NBL1: variants seen among roughly 807,000 people sequenced by gnomAD.
The protein encoded by NBL1 is NBL1, DAN family BMP antagonist, also known as neuroblastoma suppressor of tumorigenicity 1.
In NBL1, 9 loss-of-function variants were observed where a neutral mutation model predicts 16.0. The ratio of observed to expected loss-of-function variants is 0.56; its 90% confidence interval spans 0.34 to 0.98. The LOEUF (loss-of-function observed/expected upper bound fraction) is 0.98, where lower values mean the gene tolerates loss of function less well. Among genes scored for constraint, NBL1 ranks in the 50% least tolerant of loss-of-function variants. NBL1 has a pLI of 0.02. For synonymous variants in NBL1, 86 were observed against 100.7 expected (o/e 0.85, Z 0.87); for missense variants, 196 against 243.1 (o/e 0.81, Z 1.29).
intron 1 of NBL1, among the ~76,000 whole-genome samples, chr1:19,650,438 G>T (rs920382478): frequency 6.6e-6 from 1 of 152,196 alleles, no homozygotes; most frequent in African/African-American, 2.4e-5. Context: ...CATAGGGTCT[G>T]TGCCCCCAGC....
At chr1:19,647,874 T>TGCGC (rs2094992353) in intron 1 of NBL1, among the ~76,000 whole-genome samples, 2 of 147,174 alleles carry the variant, frequency 1.4e-5, no homozygotes, top group South Asian at 2.1e-4. Context: ...TGCGTGTGTG[T>TGCGC]GTGTGTGTGC....
At chr1:19,654,936 G>T in intron 1 of NBL1, 76 bp from the exon 2 acceptor site, 1 of 1,461,196 alleles carries the variant, frequency 6.8e-7, no homozygotes. Context: ...TCGGATGCCA[G>T]AGTCCATGCT....
chr1:19,644,273 C>A, upstream of NBL1: 3 of 979,850 alleles, frequency 3.1e-6, no homozygotes, highest in Non-Finnish European at 2.4e-6. This position sits in a 1 kb window ranked among gnomAD's most constrained non-coding sequence, Gnocchi z 4.6. Flanking sequence ...ACCCTGACGT[C>A]GGAGCCGCTC....
At chr1:19,644,168 C>A (rs2094963116), upstream of NBL1, 10 of 979,996 alleles carry the variant, frequency 1.0e-5, no homozygotes, top group Non-Finnish European at 1.2e-5. This position sits in a 1 kb window ranked among gnomAD's most constrained non-coding sequence, Gnocchi z 4.6. Context: ...CCCCCTCCTG[C>A]GCACCCGGAG....
intron 1 of NBL1, chr1:19,647,610 CA>C: frequency 6.1e-6 from 6 of 985,482 alleles, no homozygotes; most frequent in Non-Finnish European, 6.0e-6. Context: ...CCACCAGCCA[CA>C]AACGCTGCGT....
Position 19,656,870 on chromosome 1 carries a change from C to T in NBL1, c.287C>T (p.Thr96Met), listed in dbSNP as rs551610627. ...CTTCTCTCTTGCCCTCTGCAGGTGA[C>T]GCTGGAGTGCCCGGGCCACGAGGAG... Reference protein sequence around the residue: ...MPAQSMWEIVTLECPGHEEVP... With the variant: ...MPAQSMWEIVMLECPGHEEVP... The change falls in exon 4 of 4, where the codon ACG (threonine) becomes ATG (methionine). Residue 96 changes from threonine to methionine, a missense_variant. Coordinates refer to ENST00000375136, the MANE Select transcript of NBL1 (RefSeq NM_005380.8). The T allele has an allele frequency of 3.0e-5, 49 of 1,609,614 alleles. No individual in the cohort carries two copies. The highest frequency in any genetic ancestry group is 1.6e-4 in the Middle Eastern group (1 of 6,070).
intron 1 of NBL1, among the ~76,000 whole-genome samples, chr1:19,653,740 A>G (rs1294396901): frequency 1.3e-5 from 2 of 152,218 alleles, no homozygotes; most frequent in African/African-American, 4.8e-5. Flanking sequence ...GCCTCCTTGA[A>G]GAAGGCACTG....
At position 19,644,823 on chromosome 1, in the gene NBL1, C is replaced by A. The variant is rs919371332; in HGVS notation, c.-20+377C>A. ...TCCCCCGGCCGTGCCCGGGCCTCGC[C>A]GCGCCGCGCCTCTCGGCTCTGGACG... is the stretch of plus-strand genomic sequence containing the variant. On this transcript the variant is annotated intron_variant, in intron 1 of 3. Coordinates refer to ENST00000375136, the MANE Select transcript of NBL1 (RefSeq NM_005380.8). This position sits in a 1 kb window ranked among gnomAD's most constrained non-coding sequence, Gnocchi z 4.6. Among the ~76,000 whole-genome samples, 1 of 152,060 alleles carries A rather than the reference C, an allele frequency of 6.6e-6. No individual in the cohort carries two copies.
rs1024011737 is a variant in NBL1 at position 19,644,932 on chromosome 1, T to C, written c.-20+486T>C. Among the ~76,000 whole-genome samples the C allele has an allele frequency of 2.6e-5, 4 of 152,062 alleles. No homozygotes were observed. Among genetic ancestry groups the C allele is most frequent in the Non-Finnish European group, 4.4e-5 (3 of 67,990 alleles). Reference sequence around the variant, plus strand: ...GTCGCTCCGTTTCCGCCGCTCACTTTCCCCTGGTCTGCCCGTCTCTTTCCG... The same window carrying C: ...GTCGCTCCGTTTCCGCCGCTCACTTCCCCCTGGTCTGCCCGTCTCTTTCCG... On this transcript the variant is annotated intron_variant, in intron 1 of 3. Coordinates refer to ENST00000375136, the MANE Select transcript of NBL1 (RefSeq NM_005380.8). The surrounding 1 kb of genome is among the most constrained non-coding windows in gnomAD (Gnocchi z 4.6).
chr1:19,656,054 G>A (rs528354236), intron 3 of NBL1, among the ~76,000 whole-genome samples: 3 of 152,212 alleles, frequency 2.0e-5, no homozygotes, highest in East Asian at 1.9e-4. Flanking sequence ...GTATGCCTCC[G>A]CTTCAAGCAC....
chr1:19,647,070 A>T (rs7535952), intron 1 of NBL1, among the ~76,000 whole-genome samples: 1 of 151,964 alleles, frequency 6.6e-6, no homozygotes, highest in South Asian at 2.1e-4. Context: ...CTCTCCAGAG[A>T]TTTCCATGTA....
chr1:19,655,467 C>T (rs540092579), intron 3 of NBL1, 32 bp downstream of exon 3: 28 of 1,609,476 alleles, frequency 1.7e-5, no homozygotes, highest in African/African-American at 5.3e-5. Flanking sequence ...CACCCAGTCT[C>T]GGCCCGGAGC....
At chr1:19,644,287 C>G, upstream of NBL1, 1 of 979,560 alleles carries the variant, frequency 1.0e-6, no homozygotes, top group Admixed American at 6.3e-5. The surrounding 1 kb of genome is among the most constrained non-coding windows in gnomAD (Gnocchi z 4.6). Flanking sequence ...GCCGCTCCCC[C>G]GCGCCGCGCG....
chr1:19,651,433 C>G (rs2100422579), intron 1 of NBL1, among the ~76,000 whole-genome samples: 1 of 152,340 alleles, frequency 6.6e-6, no homozygotes, highest in East Asian at 1.9e-4. Flanking sequence ...CGTCTCATTT[C>G]TCCTAACCTC....
intron 1 of NBL1, among the ~76,000 whole-genome samples, chr1:19,653,401 T>C (rs978224370): frequency 2.4e-4 from 37 of 152,142 alleles, no homozygotes; most frequent in African/African-American, 8.7e-4. Flanking sequence ...TGGGCTTCTG[T>C]GGGGCCACTG....
intron 1 of NBL1, among the ~76,000 whole-genome samples, chr1:19,652,461 C>CGG (rs3838430): frequency 0.041 from 6,161 of 151,918 alleles, 176 homozygotes; most frequent in Non-Finnish European, 0.066. Context: ...TGGGAGGCGG[C>CGG]GGGGGGGCAG....
In NBL1 at chr1:19,655,181, G is replaced by A. The variant is rs753076569; in HGVS notation, c.151G>A (p.Ala51Thr). 3 of 1,608,548 alleles carry A rather than the reference G, an allele frequency of 1.9e-6. No individual in the cohort carries two copies. The highest frequency in any genetic ancestry group is 2.5e-6 in the Non-Finnish European group (3 of 1,177,618). ...TQIVGHSGCE[A>T]KSIQNRACLG... ...GATCGTGGGCCACAGCGGCTGTGAGGCCAAGTCCATCCAGAACAGGTGGGA... is the reference window on the plus strand; with the variant it reads ...GATCGTGGGCCACAGCGGCTGTGAGACCAAGTCCATCCAGAACAGGTGGGA... Residue 51 changes from alanine to threonine, a missense_variant, in exon 2 of 4, where the codon GCC (alanine) becomes ACC (threonine). By Grantham distance (58) the Ala-to-Thr change is moderately conservative. Coordinates refer to ENST00000375136, the MANE Select transcript of NBL1 (RefSeq NM_005380.8).
At chr1:19,650,955 G>A (rs1317777588) in intron 1 of NBL1, among the ~76,000 whole-genome samples, 1 of 152,166 alleles carries the variant, frequency 6.6e-6, no homozygotes, top group Non-Finnish European at 1.5e-5. Flanking sequence ...CATCCTCGCT[G>A]CCTCCTGTTC....
chr1:19,648,783 T>C, intron 1 of NBL1, among the ~76,000 whole-genome samples: 1 of 44,562 alleles, frequency 2.2e-5, no homozygotes. Context: ...GGCGGGTGGG[T>C]GGGGTTGGGA....
Sources: allele counts gnomAD v4.1 joint callset (sites outside exome capture counted in the v4.1 genomes callset), GRCh38; gene constraint gnomAD v4.1.1; non-coding constraint Gnocchi (gnomAD v3.1); transcripts MANE v1.5; gene names NCBI Gene and HGNC (gene_info 2026-07-23, HGNC 2026-07-21).